Variants in ANTXR1 observed in about 807,000 individuals in gnomAD.
ANTXR1 encodes the protein anthrax toxin receptor 1.
A neutral mutation model predicts 78.1 loss-of-function variants in ANTXR1; 19 were observed. That is an observed-to-expected ratio of 0.24 (90% CI 0.17 to 0.36). The LOEUF (loss-of-function observed/expected upper bound fraction) is 0.36. Among genes scored for constraint, ANTXR1 ranks in the 10% least tolerant of loss-of-function variants. ANTXR1 has a pLI of 1.00. For missense variants in ANTXR1, 518 were observed against 718.6 expected (o/e 0.72, Z 3.19); for synonymous variants, 273 against 260.5 (o/e 1.05, Z -0.46).
intron 17 of ANTXR1, among the ~76,000 whole-genome samples, chr2:69,228,597 A>C (rs1385433281): frequency 2.0e-5 from 3 of 152,240 alleles, no homozygotes; most frequent in Admixed American, 1.3e-4. Context: ...TGGTGCTTTT[A>C]GGAGAACAAA....
At chr2:69,022,699 C>G (rs1647175495) in intron 1 of ANTXR1, among the ~76,000 whole-genome samples, 7 of 152,198 alleles carry the variant, frequency 4.6e-5, no homozygotes, top group Admixed American at 1.3e-4. Flanking sequence ...TCAGGTCCCT[C>G]CCTCAGTGAG....
At chr2:69,086,452 C>T (rs1256956532) in intron 8 of ANTXR1, among the ~76,000 whole-genome samples, 1 of 152,226 alleles carries the variant, frequency 6.6e-6, no homozygotes, top group South Asian at 2.1e-4. Context: ...GTCCTCCCAC[C>T]AATAATCCAA....
At chr2:69,020,482 C>T (rs1395836652) in intron 1 of ANTXR1, among the ~76,000 whole-genome samples, 7 of 152,086 alleles carry the variant, frequency 4.6e-5, no homozygotes, top group African/African-American at 1.7e-4. Context: ...CTGTGGAGAC[C>T]TGGTTAAACT....
intron 12 of ANTXR1, among the ~76,000 whole-genome samples, chr2:69,143,261 A>G (rs1172440102): frequency 6.6e-6 from 1 of 152,210 alleles, no homozygotes; most frequent in African/African-American, 2.4e-5. Context: ...GATGAAGTAG[A>G]CAGGGGCAGA....
intron 8 of ANTXR1, among the ~76,000 whole-genome samples, chr2:69,086,364 AG>A (rs1671050198): frequency 6.6e-6 from 1 of 152,194 alleles, no homozygotes; most frequent in Non-Finnish European, 1.5e-5. Context: ...ACTGGTCCAC[AG>A]TGGATTTCAC....
At chr2:69,086,844 T>C (rs1214625641) in intron 8 of ANTXR1, among the ~76,000 whole-genome samples, 1 of 152,254 alleles carries the variant, frequency 6.6e-6, no homozygotes, top group Non-Finnish European at 1.5e-5. Flanking sequence ...TGCTGGCTGG[T>C]GACCCAAGGG....
intron 3 of ANTXR1, among the ~76,000 whole-genome samples, chr2:69,057,666 T>C (rs531773761): frequency 6.6e-6 from 1 of 152,272 alleles, no homozygotes; most frequent in African/African-American, 2.4e-5. Context: ...GACACAACAA[T>C]ATTGAAATTA....
At chr2:69,102,519 C>T (rs1671656021) in intron 9 of ANTXR1, among the ~76,000 whole-genome samples, 1 of 152,230 alleles carries the variant, frequency 6.6e-6, no homozygotes, top group Admixed American at 6.5e-5. Context: ...GATTTTCAAA[C>T]TGCCTGGATT....
chr2:69,044,706 A>T (rs770335576), intron 2 of ANTXR1, 36 bp from the exon 3 acceptor site: 4 of 1,607,034 alleles, frequency 2.5e-6, no homozygotes. Flanking sequence ...GCGCAGTCTT[A>T]TTGTCTGTCC....
At chr2:69,062,881 A>T (rs1184255713) in intron 3 of ANTXR1, among the ~76,000 whole-genome samples, 1 of 152,198 alleles carries the variant, frequency 6.6e-6, no homozygotes, top group East Asian at 1.9e-4. Flanking sequence ...GAAATTAAAA[A>T]AAGAAAACTC....
At chr2:69,154,803 C>T (rs931463804) in intron 13 of ANTXR1, among the ~76,000 whole-genome samples, 2 of 152,162 alleles carry the variant, frequency 1.3e-5, no homozygotes, top group Non-Finnish European at 2.9e-5. Context: ...GAGTGATACT[C>T]AAAATATTTA....
chr2:69,048,688 G>GT (rs1327156346), intron 3 of ANTXR1, among the ~76,000 whole-genome samples: 1 of 152,034 alleles, frequency 6.6e-6, no homozygotes, highest in African/African-American at 2.4e-5. Flanking sequence ...ATTCTGTTCT[G>GT]TTTTTCTGTC....
intron 12 of ANTXR1, chr2:69,145,575 T>G: frequency 7.3e-7 from 1 of 1,378,964 alleles, no homozygotes; most frequent in East Asian, 2.6e-5. Flanking sequence ...TAACCAACAG[T>G]TTTCAAGACC....
chr2:69,019,562 A>G (rs1671121392), intron 1 of ANTXR1, among the ~76,000 whole-genome samples: 1 of 152,056 alleles, frequency 6.6e-6, no homozygotes, highest in Admixed American at 6.5e-5. Flanking sequence ...TCAGGGGTAC[A>G]TACAAACCTG....
intron 9 of ANTXR1, among the ~76,000 whole-genome samples, chr2:69,102,173 A>T (rs1275601844): frequency 6.6e-6 from 1 of 152,236 alleles, no homozygotes; most frequent in Non-Finnish European, 1.5e-5. Flanking sequence ...AAGTACAATT[A>T]TTCCTACCTA....
At chr2:69,057,390 A>G (rs770766143) in intron 3 of ANTXR1, among the ~76,000 whole-genome samples, 7 of 152,200 alleles carry the variant, frequency 4.6e-5, no homozygotes, top group Non-Finnish European at 5.9e-5. Flanking sequence ...CTCCAAAAGC[A>G]TATGCTCATT....
At chr2:69,153,765 A>G (rs1673459148) in intron 13 of ANTXR1, among the ~76,000 whole-genome samples, 1 of 152,350 alleles carries the variant, frequency 6.6e-6, no homozygotes, top group Non-Finnish European at 1.5e-5. Flanking sequence ...AGCAGCAGGC[A>G]GTGAACACTA....
At chr2:69,188,354 C>CA (rs1277275575) in intron 16 of ANTXR1, among the ~76,000 whole-genome samples, 2 of 152,234 alleles carry the variant, frequency 1.3e-5, no homozygotes, top group Non-Finnish European at 2.9e-5. Flanking sequence ...CTCAGCCTCT[C>CA]AGAGTGTTGG....
At chr2:69,238,910 C>G (rs1248250414) in intron 17 of ANTXR1, among the ~76,000 whole-genome samples, 1 of 152,202 alleles carries the variant, frequency 6.6e-6, no homozygotes, top group Non-Finnish European at 1.5e-5. Flanking sequence ...CCAGCTCCCT[C>G]TCCACGGAGC....
Sources: allele counts gnomAD v4.1 joint callset (sites outside exome capture counted in the v4.1 genomes callset), GRCh38; gene constraint gnomAD v4.1.1; transcripts MANE v1.5; gene names NCBI Gene and HGNC (gene_info 2026-07-23, HGNC 2026-07-21).